Variants in AOPEP observed in about 807,000 individuals in gnomAD.
AOPEP encodes the protein aminopeptidase O.
A neutral mutation model predicts 98.1 loss-of-function variants in AOPEP; 77 were observed. The ratio of observed to expected loss-of-function variants is 0.78; its 90% CI spans 0.65 to 0.95. AOPEP has a LOEUF of 0.95. Ranked by LOEUF, AOPEP falls within the 40% of genes least tolerant of loss-of-function variation. AOPEP has a pLI of 0.00. For synonymous variants in AOPEP, 346 were observed against 365.3 expected (o/e 0.95, Z 0.60); for missense variants, 1,024 against 1,024.7 (o/e 1.00, Z 0.01).
At chr9:95,133,567 A>C in the AOPEP span, among the ~76,000 whole-genome samples, 1 of 152,242 alleles carries the variant, frequency 6.6e-6, no homozygotes, top group Non-Finnish European at 1.5e-5. Flanking sequence ...TGCTCACCAC[A>C]GTGCTGCTCA....
At chr9:95,072,611 C>T (rs1022573136) in intron 14 of AOPEP, among the ~76,000 whole-genome samples, 2 of 151,908 alleles carry the variant, frequency 1.3e-5, no homozygotes, top group African/African-American at 2.4e-5. Context: ...CCAGACTGAG[C>T]GACAGAGTGA....
chr9:94,856,641 TAAAAAAAA>T (rs35234682), intron 5 of AOPEP, among the ~76,000 whole-genome samples: 60,267 of 128,530 alleles, frequency 0.47, 12,838 homozygotes, highest in East Asian at 0.55. Context: ...AACTCCGTCT[TAAAAAAAA>T]AAAAAAAAAA....
intron 5 of AOPEP, among the ~76,000 whole-genome samples, chr9:94,877,524 C>T (rs1173074951): frequency 2.0e-5 from 3 of 150,924 alleles, no homozygotes; most frequent in South Asian, 4.2e-4. Flanking sequence ...TGGGCTCAAG[C>T]GATTCTCTGC....
intron 5 of AOPEP, among the ~76,000 whole-genome samples, chr9:94,885,632 A>G (rs1180551141): frequency 6.6e-6 from 1 of 152,068 alleles, no homozygotes; most frequent in Admixed American, 6.6e-5. Flanking sequence ...GAGCCCAGGA[A>G]CAAGAGGAGA....
At chr9:94,907,873 C>T (rs1459437057) in intron 5 of AOPEP, among the ~76,000 whole-genome samples, 1 of 152,196 alleles carries the variant, frequency 6.6e-6, no homozygotes, top group Non-Finnish European at 1.5e-5. Flanking sequence ...GGGCCTCTTT[C>T]CTCATTTGCT....
At chr9:94,854,036 A>G (rs1487943366) in intron 5 of AOPEP, among the ~76,000 whole-genome samples, 2 of 152,190 alleles carry the variant, frequency 1.3e-5, no homozygotes, top group Admixed American at 1.3e-4. Context: ...GTAAGAGAAG[A>G]CTGCTTTGTT....
chr9:94,885,270 G>A lies in AOPEP; in HGVS notation c.1365-38716G>A, dbSNP rs80125870. Among the ~76,000 whole-genome samples the A allele has an allele frequency of 2.1e-5, 3 of 144,162 alleles. No individual in the cohort carries two copies. In the East Asian group the frequency reaches 6.4e-4, roughly 31 times the overall value. 94.6% of individuals were successfully genotyped at this position (144,162 alleles called of 152,430 possible). A position where few individuals can be genotyped will look rare whatever the true frequency, so the allele number is the denominator to read the frequency against. ...AGGCTGAAGTGGGAGGATCGCTTGA[G>A]CCTGGGAAGTTGAGGCTATAGTGAG... On this transcript the variant is annotated intron_variant, in intron 5 of 16. Coordinates refer to ENST00000375315, the MANE Select transcript of AOPEP (RefSeq NM_001193329.3).
In AOPEP at chr9:94,860,049, C is replaced by T. The variant is rs948047409; in HGVS notation, c.1364+59047C>T. On this transcript the variant is annotated intron_variant, in intron 5 of 16. Transcript: ENST00000375315. Reference sequence around the variant, plus strand: ...AATGGAGTACGACAAACTGGTCAGTCCTGTGTGGGAGGAATGCAGGGTTAG... The same window carrying T: ...AATGGAGTACGACAAACTGGTCAGTTCTGTGTGGGAGGAATGCAGGGTTAG... 1.1e-4 allele frequency among the ~76,000 whole-genome samples: 17 copies of T among 152,116 alleles called. 1 individual carries two copies. Among genetic ancestry groups the T allele is most frequent in the Admixed American group, 9.8e-4 (15 of 15,274 alleles).
intron 2 of AOPEP, 36 bp from the exon 3 acceptor site, chr9:94,772,966 A>G: frequency 6.5e-7 from 1 of 1,543,450 alleles, no homozygotes; most frequent in Non-Finnish European, 8.8e-7. Flanking sequence ...CATTTTAAAG[A>G]TTCACCCCCT....
At chr9:95,147,908 CT>C in the AOPEP span, among the ~76,000 whole-genome samples, 163 of 152,310 alleles carry the variant, frequency 1.1e-3, no homozygotes, top group East Asian at 1.2e-3. Flanking sequence ...CACAGAAGCT[CT>C]TTTATATGAA....
At chr9:94,872,264 G>A (rs1407050835) in intron 5 of AOPEP, among the ~76,000 whole-genome samples, 1 of 152,170 alleles carries the variant, frequency 6.6e-6, no homozygotes, top group Non-Finnish European at 1.5e-5. Flanking sequence ...GGGGGCAGTA[G>A]TCATTCTTCA....
chr9:95,011,184 T>TC (rs1272615669), intron 13 of AOPEP, among the ~76,000 whole-genome samples: 1 of 151,640 alleles, frequency 6.6e-6, no homozygotes, highest in African/African-American at 2.4e-5. Flanking sequence ...TAGATTTACT[T>TC]ATTTTTCCTA....
At chr9:95,100,603 TG>T in the AOPEP span, 1 of 230,352 alleles carries the variant, frequency 4.3e-6, no homozygotes, top group Non-Finnish European at 8.6e-6. Flanking sequence ...TGTACTGACA[TG>T]AAATAAATGT....
At chr9:94,990,798 T>G (rs1214702072) in intron 11 of AOPEP, among the ~76,000 whole-genome samples, 1 of 151,988 alleles carries the variant, frequency 6.6e-6, no homozygotes, top group Non-Finnish European at 1.5e-5. Context: ...GGCTAATTTT[T>G]TGTATTTTTA....
At chr9:94,867,135 G>A (rs1358330635) in intron 5 of AOPEP, among the ~76,000 whole-genome samples, 2 of 152,124 alleles carry the variant, frequency 1.3e-5, no homozygotes, top group African/African-American at 4.8e-5. Flanking sequence ...CTACCATTCA[G>A]ATTTGAAACA....
intron 5 of AOPEP, among the ~76,000 whole-genome samples, chr9:94,886,822 A>G (rs1588706196): frequency 6.6e-6 from 1 of 152,196 alleles, no homozygotes; most frequent in Non-Finnish European, 1.5e-5. Context: ...AATATATACT[A>G]TATATGGGTT....
intron 3 of AOPEP, among the ~76,000 whole-genome samples, chr9:94,784,384 C>G (rs1843941661): frequency 6.6e-6 from 1 of 152,134 alleles, no homozygotes; most frequent in Non-Finnish European, 1.5e-5. Context: ...ATTATCTCAG[C>G]TAAGTTTCTC....
chr9:94,943,442 A>G (rs1199474534), intron 7 of AOPEP, among the ~76,000 whole-genome samples: 2 of 150,766 alleles, frequency 1.3e-5, no homozygotes, highest in African/African-American at 4.9e-5. Flanking sequence ...GAAAACACAA[A>G]AATTATCCAG....
chr9:94,871,668 T>C (rs2046361108), intron 5 of AOPEP, among the ~76,000 whole-genome samples: 1 of 152,192 alleles, frequency 6.6e-6, no homozygotes, highest in Non-Finnish European at 1.5e-5. Flanking sequence ...TACTGAAGTT[T>C]GGTTAATTTT....
Sources: allele counts gnomAD v4.1 joint callset (sites outside exome capture counted in the v4.1 genomes callset), GRCh38; gene constraint gnomAD v4.1.1; transcripts MANE v1.5; gene names NCBI Gene and HGNC (gene_info 2026-07-23, HGNC 2026-07-21).